FMNL2: variants seen among roughly 807,000 people sequenced by gnomAD.
The protein encoded by FMNL2 is formin like 2, also known as formin-like protein 2.
In FMNL2, 51 loss-of-function variants were observed where a neutral mutation model predicts 130.2. The observed-to-expected ratio is 0.39, with a 90% confidence interval of 0.31 to 0.49. FMNL2 has a LOEUF of 0.49. FMNL2 is among the 20% of genes least tolerant of loss of function. The pLI is 0.85. For synonymous variants in FMNL2, 465 were observed against 467.1 expected (o/e 1.00, Z 0.06); for missense variants, 977 against 1,316.2 (o/e 0.74, Z 3.99).
At position 152,611,339 on chromosome 2, in the gene FMNL2, C is replaced by CA. The variant is rs201506686; in HGVS notation, c.952-148dup. 1.9e-3 allele frequency among the ~76,000 whole-genome samples: 283 copies of CA among 150,800 alleles called. 5 individuals are homozygous for CA. Among genetic ancestry groups the CA allele is most frequent in the East Asian group, 3.9e-3 (20 of 5,142 alleles). ...GGGCGACAGAGCAAGACTCCATTTCCAAAAAAAACCATATATATATTTTTA... is the reference window on the plus strand; with the variant it reads ...GGGCGACAGAGCAAGACTCCATTTCCAAAAAAAAACCATATATATATTTTTA... On this transcript the variant is annotated intron_variant, in intron 10 of 25. Coordinates refer to ENST00000288670, the MANE Select transcript of FMNL2 (RefSeq NM_052905.4).
At chr2:152,477,755 C>A (rs184787559) in intron 1 of FMNL2, among the ~76,000 whole-genome samples, 1 of 151,948 alleles carries the variant, frequency 6.6e-6, no homozygotes, top group South Asian at 2.1e-4. Flanking sequence ...TGGACAATAA[C>A]GATAGAAAAG....
intron 15 of FMNL2, among the ~76,000 whole-genome samples, chr2:152,622,922 A>C (rs1185762060): frequency 1.3e-5 from 2 of 149,072 alleles, no homozygotes; most frequent in African/African-American, 5.0e-5. Flanking sequence ...TCCCTCCCTC[A>C]TGCTGGTCTC....
At chr2:152,601,781 T>A (rs1216217364) in intron 9 of FMNL2, among the ~76,000 whole-genome samples, 1 of 151,436 alleles carries the variant, frequency 6.6e-6, no homozygotes, top group Non-Finnish European at 1.5e-5. Flanking sequence ...GTGATTCTCC[T>A]GCCTCAGCCT....
chr2:152,463,710 A>G (rs552426269), intron 1 of FMNL2, among the ~76,000 whole-genome samples: 2 of 152,374 alleles, frequency 1.3e-5, no homozygotes, highest in Admixed American at 1.3e-4. Context: ...ATGCAAAGGT[A>G]GCTTTCAGAC....
chr2:152,531,201 A>G (rs1693667416), intron 2 of FMNL2, among the ~76,000 whole-genome samples: 1 of 152,192 alleles, frequency 6.6e-6, no homozygotes, highest in African/African-American at 2.4e-5. Flanking sequence ...CTAAAACCCT[A>G]TAAGATGAGC....
chr2:152,540,593 A>G (rs1694255171), intron 2 of FMNL2, among the ~76,000 whole-genome samples: 1 of 151,056 alleles, frequency 6.6e-6, no homozygotes, highest in Admixed American at 6.6e-5. Flanking sequence ...ACAATAACAA[A>G]TATAGATTTT....
Position 152,554,276 on chromosome 2 carries a change from A to G in FMNL2, c.360-4464A>G, listed in dbSNP as rs184950083. Among the ~76,000 whole-genome samples, 695 of 152,248 alleles carry G rather than the reference A, an allele frequency of 4.6e-3. 7 individuals carry two copies. The highest frequency in any genetic ancestry group is 0.016 in the African/African-American group (663 of 41,548). On this transcript the variant is annotated intron_variant, in intron 4 of 25. Coordinates refer to ENST00000288670, the MANE Select transcript of FMNL2 (RefSeq NM_052905.4). Reference sequence around the variant, plus strand: ...ACAAAAATTAACCAGGTGTGGTGGCATGATCCTGGAGTCCCAGCTACTCAG... The same window carrying G: ...ACAAAAATTAACCAGGTGTGGTGGCGTGATCCTGGAGTCCCAGCTACTCAG...
At chr2:152,573,749 A>G (rs1292504008) in intron 6 of FMNL2, among the ~76,000 whole-genome samples, 3 of 152,230 alleles carry the variant, frequency 2.0e-5, no homozygotes, top group Non-Finnish European at 2.9e-5. Context: ...CAAATACCAT[A>G]CATTTTAGAA....
chr2:152,505,594 A>G (rs1373453994), intron 1 of FMNL2, among the ~76,000 whole-genome samples: 2 of 152,216 alleles, frequency 1.3e-5, no homozygotes, highest in Non-Finnish European at 2.9e-5. Context: ...TCTGTAAGGT[A>G]CAGAGCCTAA....
intron 1 of FMNL2, among the ~76,000 whole-genome samples, chr2:152,394,124 A>C (rs1014715627): frequency 6.6e-6 from 1 of 152,194 alleles, no homozygotes; most frequent in Non-Finnish European, 1.5e-5. Context: ...TTTTAGGCCT[A>C]CAGAAGTTTG....
At chr2:152,601,318 T>G (rs1381383448) in intron 9 of FMNL2, among the ~76,000 whole-genome samples, 3 of 140,794 alleles carry the variant, frequency 2.1e-5, no homozygotes, top group Non-Finnish European at 4.5e-5. Context: ...TTTTTTTTTT[T>G]GAGATGGAGT....
At chr2:152,505,073 C>G (rs1692082826) in intron 1 of FMNL2, among the ~76,000 whole-genome samples, 3 of 152,156 alleles carry the variant, frequency 2.0e-5, no homozygotes, top group Non-Finnish European at 2.9e-5. Flanking sequence ...TGTAGTATTT[C>G]TGTCCTGTGT....
intron 1 of FMNL2, among the ~76,000 whole-genome samples, chr2:152,450,445 G>A (rs1579692924): frequency 6.6e-6 from 1 of 152,164 alleles, no homozygotes; most frequent in Admixed American, 6.5e-5. Context: ...AGTTACAGCA[G>A]TTAGAAATTT....
chr2:152,528,481 G>T (rs922218109), intron 2 of FMNL2, among the ~76,000 whole-genome samples: 7 of 152,034 alleles, frequency 4.6e-5, no homozygotes, highest in African/African-American at 1.7e-4. Context: ...TTTGGCTTGT[G>T]GCTGTGTAAA....
chr2:152,602,554 T>C (rs1445257483), intron 9 of FMNL2, among the ~76,000 whole-genome samples: 1 of 152,120 alleles, frequency 6.6e-6, no homozygotes, highest in Non-Finnish European at 1.5e-5. Context: ...TGTTATTGAT[T>C]TGGAAACTGG....
chr2:152,538,286 T>C (rs2105475279), intron 2 of FMNL2, among the ~76,000 whole-genome samples: 1 of 144,740 alleles, frequency 6.9e-6, no homozygotes, highest in African/African-American at 2.5e-5. Flanking sequence ...TTTTTTTTTT[T>C]GTTTGTTTGT....
Position 152,643,721 on chromosome 2 carries a change from G to C in FMNL2, c.3169+2807G>C, listed in dbSNP as rs147117874. ...CACTGGCCACTTTCAATACATGTAT[G>C]TATTCACATTGCTGTAACAGTCTGG... On this transcript the variant is annotated intron_variant, in intron 25 of 25. Transcript: ENST00000288670. 42 of 985,450 alleles carry C rather than the reference G, an allele frequency of 4.3e-5. No individual in the cohort carries two copies. In the African/African-American group the frequency reaches 6.8e-4, roughly 16 times the overall value. The allele number at this position is 985,450 out of a possible 1,614,324, so 61.0% of individuals were successfully genotyped here.
At chr2:152,560,624 A>G (rs925479089) in intron 5 of FMNL2, among the ~76,000 whole-genome samples, 5 of 152,214 alleles carry the variant, frequency 3.3e-5, no homozygotes. Flanking sequence ...TAAAATACAA[A>G]TAATATATCA....
intron 1 of FMNL2, among the ~76,000 whole-genome samples, chr2:152,444,954 A>G (rs145530593): frequency 2.0e-5 from 3 of 152,326 alleles, no homozygotes; most frequent in Non-Finnish European, 2.9e-5. Context: ...GGCATCATAC[A>G]TGGTTCACAA....
Sources: allele counts gnomAD v4.1 joint callset (sites outside exome capture counted in the v4.1 genomes callset), GRCh38; gene constraint gnomAD v4.1.1; transcripts MANE v1.5; gene names NCBI Gene and HGNC (gene_info 2026-07-23, HGNC 2026-07-21).